LPP: variants seen among roughly 807,000 people sequenced by gnomAD.
The protein encoded by LPP is lipoma-preferred partner.
In LPP, 38 loss-of-function variants were observed where a neutral mutation model predicts 60.4. The observed-to-expected ratio is 0.63, with a 90% CI of 0.49 to 0.83. The LOEUF (loss-of-function observed/expected upper bound fraction) is 0.83, where lower values mean the gene tolerates loss of function less well. Among genes scored for constraint, LPP ranks in the 40% least tolerant of loss-of-function variants. The probability of loss-of-function intolerance (pLI) is 0.00; values close to 1 mark genes in which losing one functional copy is unlikely to be tolerated. For missense variants in LPP, 902 were observed against 783.6 expected (o/e 1.15, Z -1.80); for synonymous variants, 328 against 290.8 (o/e 1.13, Z -1.30).
Position 188,406,109 on chromosome 3 carries a change from C to T in LPP, c.-9-3C>T. 1 of 1,603,480 alleles carries T rather than the reference C, an allele frequency of 6.2e-7. No homozygotes were observed. Among genetic ancestry groups the T allele is most frequent in the Non-Finnish European group, 8.5e-7 (1 of 1,175,164 alleles). ...TAAAAACAGTGTTTCTTTTTCATTG[C>T]AGATTCCAACAATGTCTCACCCATC... On this transcript the variant is annotated splice_region_variant and splice_polypyrimidine_tract_variant and intron_variant, in intron 3 of 11. Transcript: ENST00000617246.
intron 10 of LPP, among the ~76,000 whole-genome samples, chr3:188,867,830 T>A (rs1043052956): frequency 3.3e-5 from 5 of 152,306 alleles, no homozygotes; most frequent in East Asian, 3.9e-4. Flanking sequence ...AAGTGTGAAG[T>A]CTTCTGGGTT....
intron 2 of LPP, among the ~76,000 whole-genome samples, chr3:188,283,925 C>T (rs145855222): frequency 0.041 from 6,178 of 151,680 alleles, 272 homozygotes; most frequent in African/African-American, 0.11. Flanking sequence ...TGCAGTGAGC[C>T]GAGATTGCGC....
chr3:188,520,197 A>G (rs1818483192), intron 5 of LPP, among the ~76,000 whole-genome samples: 1 of 152,252 alleles, frequency 6.6e-6, no homozygotes, highest in Non-Finnish European at 1.5e-5. Flanking sequence ...AAATATAAAA[A>G]TAACATGTTC....
At position 188,179,032 on chromosome 3, in the gene LPP, GAGAGAC is replaced by G. The variant is rs1348725963; in HGVS notation, c.-190+24786_-190+24791del. Reference sequence around the variant, plus strand: ...AGAGTGAGCAAGAGAGAGGGAGGGAGAGAGACAGAGAGAGAGAGAGAGAGAGAGAGA... The same window carrying G: ...AGAGTGAGCAAGAGAGAGGGAGGGAGAGAGAGAGAGAGAGAGAGAGAGAGA... On this transcript the variant is annotated intron_variant, in intron 1 of 11. Transcript: ENST00000617246. The G allele has an allele frequency of 6.2e-5, 16 of 257,876 alleles. No homozygotes were observed. In the East Asian group the frequency reaches 1.3e-3, roughly 22 times the overall value. The allele number at this position is 257,876 out of a possible 1,614,324, so 16.0% of individuals were successfully genotyped here. A position where few individuals can be genotyped will look rare whatever the true frequency, so the allele number is the denominator to read the frequency against.
At chr3:188,736,671 AGATG>A (rs1012398748) in intron 8 of LPP, among the ~76,000 whole-genome samples, 2 of 151,694 alleles carry the variant, frequency 1.3e-5, no homozygotes. Context: ...GATAAATATC[AGATG>A]GATGGATGGA....
At chr3:188,812,798 T>C (rs1373923354) in intron 9 of LPP, among the ~76,000 whole-genome samples, 1 of 151,654 alleles carries the variant, frequency 6.6e-6, no homozygotes, top group East Asian at 1.9e-4. Flanking sequence ...TCTCTCTCGC[T>C]GCAGCTTTCT....
intron 4 of LPP, among the ~76,000 whole-genome samples, chr3:188,463,140 G>A (rs1357755024): frequency 1.3e-5 from 2 of 152,030 alleles, no homozygotes; most frequent in Non-Finnish European, 2.9e-5. Flanking sequence ...TTCCTTTACT[G>A]ATTCATTTGT....
intron 8 of LPP, among the ~76,000 whole-genome samples, chr3:188,753,630 T>C (rs574241397): frequency 6.6e-6 from 1 of 151,606 alleles, no homozygotes; most frequent in South Asian, 2.1e-4. Flanking sequence ...GTTTTTTGTT[T>C]TTTTTTACTT....
intron 9 of LPP, among the ~76,000 whole-genome samples, chr3:188,853,051 G>A (rs149791488): frequency 1.7e-3 from 263 of 152,264 alleles, no homozygotes; most frequent in African/African-American, 5.6e-3. Flanking sequence ...TCAGGAGGCT[G>A]AGGCAGGAGA....
intron 3 of LPP, among the ~76,000 whole-genome samples, chr3:188,351,393 C>A (rs569187653): frequency 2.0e-5 from 3 of 152,176 alleles, no homozygotes; most frequent in Non-Finnish European, 4.4e-5. Context: ...ATCGTGCCCA[C>A]ATCTCACCAA....
intron 8 of LPP, among the ~76,000 whole-genome samples, chr3:188,727,405 A>G (rs1718824006): frequency 6.6e-6 from 1 of 152,170 alleles, no homozygotes; most frequent in African/African-American, 2.4e-5. Flanking sequence ...GGTGATGACC[A>G]CGGGTAAGAT....
intron 4 of LPP, among the ~76,000 whole-genome samples, chr3:188,439,255 C>T (rs1578896810): frequency 6.6e-6 from 1 of 152,158 alleles, no homozygotes; most frequent in South Asian, 2.1e-4. Context: ...AAGGGGGTTA[C>T]AGCCGTGACT....
intron 2 of LPP, among the ~76,000 whole-genome samples, chr3:188,234,190 G>A (rs1721081404): frequency 6.6e-6 from 1 of 152,150 alleles, no homozygotes; most frequent in Non-Finnish European, 1.5e-5. Context: ...GAGTTAGGGA[G>A]GAGAAATGAC....
At chr3:188,381,748 A>G (rs1220724169) in intron 3 of LPP, among the ~76,000 whole-genome samples, 1 of 152,130 alleles carries the variant, frequency 6.6e-6, no homozygotes, top group Non-Finnish European at 1.5e-5. Flanking sequence ...AAAGCTGGAG[A>G]TTAGAAGAAA....
At chr3:188,368,682 TCA>T (rs1289084950) in intron 3 of LPP, among the ~76,000 whole-genome samples, 3,811 of 129,242 alleles carry the variant, frequency 0.029, 185 homozygotes, top group African/African-American at 0.1. Flanking sequence ...ACACACACTC[TCA>T]CACACACACA....
intron 5 of LPP, among the ~76,000 whole-genome samples, chr3:188,511,086 GCCC>G (rs930148569): frequency 1.9e-5 from 1 of 51,884 alleles, no homozygotes; most frequent in East Asian, 7.9e-4. Flanking sequence ...TTCCCTCCCT[GCCC>G]CCCTCCCTCC....
intron 9 of LPP, among the ~76,000 whole-genome samples, chr3:188,815,666 T>G (rs542401953): frequency 6.6e-6 from 1 of 152,348 alleles, no homozygotes; most frequent in African/African-American, 2.4e-5. Context: ...GATTTTCTGT[T>G]GTATGTGTGT....
chr3:188,293,255 T>C (rs55734398), intron 2 of LPP, among the ~76,000 whole-genome samples: 10,312 of 152,272 alleles, frequency 0.068, 673 homozygotes, highest in East Asian at 0.26. Flanking sequence ...ATGTGGTTTT[T>C]CTTGAGAGAG....
intron 9 of LPP, among the ~76,000 whole-genome samples, chr3:188,853,450 T>G (rs1204528392): frequency 6.6e-6 from 1 of 152,200 alleles, no homozygotes. Context: ...ATTTGATGTA[T>G]GTAACTTGTT....
Sources: allele counts gnomAD v4.1 joint callset (sites outside exome capture counted in the v4.1 genomes callset), GRCh38; gene constraint gnomAD v4.1.1; transcripts MANE v1.5; gene names NCBI Gene and HGNC (gene_info 2026-07-23, HGNC 2026-07-21).